The following RGN variants were observed in gnomAD, a reference collection of about 807,000 sequenced individuals.
RGN encodes the protein epididymis secretory protein Li 41.
RGN carries 19 observed loss-of-function variants against 20.6 expected under a neutral mutation model. That is an observed-to-expected ratio of 0.92 (90% confidence interval 0.64 to 1.35). The LOEUF (loss-of-function observed/expected upper bound fraction) is 1.35, where lower values mean the gene tolerates loss of function less well. RGN is among the 40% of genes most tolerant of loss of function. The pLI is 0.00. For synonymous variants in RGN, 85 were observed against 87.2 expected (o/e 0.97, Z 0.14); for missense variants, 302 against 232.7 (o/e 1.30, Z -1.94).
intron 5 of RGN, among the ~76,000 whole-genome samples, chrX:47,090,546 G>A (rs998971748): frequency 2.7e-5 from 3 of 110,231 alleles, no homozygotes; most frequent in African/African-American, 9.9e-5. Flanking sequence ...AGGAGCCATA[G>A]TTGGAAACTG....
rs782388059 is a variant in RGN, at chrX:47,089,803, C to G, written c.374C>G (p.Ala125Gly). Residue 125 changes from alanine (A) to glycine (G), a missense_variant, in exon 5 of 8, where the codon GCA becomes GGA. Coordinates refer to ENST00000397180, the MANE Select transcript of RGN (RefSeq NM_152869.4). ...AGTMAEETAPAVLERHQGALY... is the reference protein window; with the variant it reads ...AGTMAEETAPGVLERHQGALY... The stretch of plus-strand genomic sequence containing the variant: ...ACCATGGCTGAGGAAACAGCTCCAG[C>G]AGTTCTTGAGCGGCACCAGGGGGCC... 7 of 1,206,235 alleles carry G rather than the reference C, an allele frequency of 5.8e-6. No individual in the cohort carries two copies. The highest frequency in any genetic ancestry group is 4.5e-6 in the Non-Finnish European group (4 of 893,378).
intron 4 of RGN, among the ~76,000 whole-genome samples, chrX:47,086,785 A>AGAAAGAGAG (rs1930619930): frequency 2.0e-5 from 1 of 50,180 alleles, no homozygotes; most frequent in Non-Finnish European, 4.1e-5. Flanking sequence ...GAGAGAGAGA[A>AGAAAGAGAG]AGAGAGAGAG....
At chrX:47,087,626 C>G (rs1360835166) in intron 4 of RGN, 8 of 108,928 alleles carry the variant, frequency 7.3e-5, no homozygotes, top group African/African-American at 2.3e-4. Context: ...ACAAAGTTTA[C>G]AGTTCTGAGG....
intron 4 of RGN, among the ~76,000 whole-genome samples, chrX:47,086,941 C>A (rs1930628477): frequency 9.1e-6 from 1 of 110,489 alleles, no homozygotes; most frequent in Non-Finnish European, 1.9e-5. Flanking sequence ...AGGTGGGAAT[C>A]ATTAGGGGCT....
chrX:47,088,576 G>A (rs1353093890), intron 4 of RGN, among the ~76,000 whole-genome samples: 1 of 110,347 alleles, frequency 9.1e-6, no homozygotes, highest in Non-Finnish European at 1.9e-5. Context: ...GTTTCTTTGT[G>A]TTGCCAAGTA....
intron 3 of RGN, among the ~76,000 whole-genome samples, chrX:47,082,302 A>ATTTT (rs1930364286): frequency 1.7e-5 from 1 of 60,483 alleles, no homozygotes; most frequent in African/African-American, 5.8e-5. Flanking sequence ...TGGGACCTCA[A>ATTTT]CTTTTTTTTT....
chrX:47,083,928 A>C (rs1444349223), intron 3 of RGN, among the ~76,000 whole-genome samples: 1 of 110,426 alleles, frequency 9.1e-6, no homozygotes, highest in East Asian at 2.8e-4. Context: ...AAACAAACAA[A>C]AAAAAAAATG....
chrX:47,088,370 C>T (rs1930699814), intron 4 of RGN, among the ~76,000 whole-genome samples: 1 of 109,781 alleles, frequency 9.1e-6, no homozygotes, highest in Admixed American at 1.0e-4. Context: ...AGATAATGTG[C>T]AGGGAGAGTC....
chrX:47,091,845 G>C (rs1556388027), intron 6 of RGN, 36 bp downstream of exon 6: 1 of 1,190,087 alleles, frequency 8.4e-7, no homozygotes, highest in East Asian at 3.0e-5. Flanking sequence ...CCTTGTCATG[G>C]CTAGGCAGAG....
intron 6 of RGN, 25 bp from the exon 7 acceptor site, chrX:47,092,031 AAACTT>A: frequency 8.4e-7 from 1 of 1,186,518 alleles, no homozygotes; most frequent in South Asian, 1.8e-5. Flanking sequence ...TGCTACAACT[AAACTT>A]AAAATAAAAT....
At chrX:47,091,864 C>T (rs1931029613) in intron 6 of RGN, 55 bp downstream of exon 6, 6 of 1,152,382 alleles carry the variant, frequency 5.2e-6, no homozygotes, top group Non-Finnish European at 7.0e-6. Flanking sequence ...AGATATAGCC[C>T]GAAAGTTACA....
rs781890815 is a variant in RGN at position 47,084,547 on chromosome X, A to G, written c.293A>G (p.Lys98Arg). 2 of 1,200,854 alleles carry G rather than the reference A, an allele frequency of 1.7e-6. No homozygotes were observed. Among genetic ancestry groups the G allele is most frequent in the African/African-American group, 3.5e-5 (2 of 57,325 alleles). ...TTGGCCACGGTGGATAACGACAAGA[A>G]AAACAATCGCTTCAATGATGGGAAG... is the stretch of plus-strand genomic sequence containing the variant. Reference protein sequence around the residue: ...VVLATVDNDKKNNRFNDGKVD... With the variant: ...VVLATVDNDKRNNRFNDGKVD... Residue 98 changes from lysine (K) to arginine (R), a missense_variant, in exon 4 of 8, where the codon AAA (lysine) becomes AGA (arginine). Transcript: ENST00000397180.
At position 47,089,898 on chromosome X, in the gene RGN, G is replaced by T. The variant is rs782186854; in HGVS notation, c.469G>T (p.Asp157Tyr). ...FDQVDISNGL[D>Y]WSLDHKIFYY... ...CCAGGTGGACATTTCCAATGGTTTG[G>T]ATTGGTCGCTAGACCACAAAATCTT... is the stretch of plus-strand genomic sequence containing the variant. Residue 157 changes from aspartate to tyrosine, a missense_variant, in exon 5 of 8, where the codon GAT becomes TAT. Coordinates refer to ENST00000397180, the MANE Select transcript of RGN (RefSeq NM_152869.4). 8 of 1,209,063 alleles carry T rather than the reference G, an allele frequency of 6.6e-6. No homozygotes were observed. Among genetic ancestry groups the T allele is most frequent in the Non-Finnish European group, 7.8e-6 (7 of 894,110 alleles).
At chrX:47,082,002 C>G (rs1320147598) in intron 3 of RGN, among the ~76,000 whole-genome samples, 2 of 112,174 alleles carry the variant, frequency 1.8e-5, no homozygotes, top group African/African-American at 6.5e-5. Flanking sequence ...AAACAGGTGC[C>G]TCTCTTCCTT....
chrX:47,085,859 T>C (rs1556384079), intron 4 of RGN, among the ~76,000 whole-genome samples: 1 of 111,757 alleles, frequency 8.9e-6, no homozygotes, highest in African/African-American at 3.3e-5. Flanking sequence ...AGTGTGAATT[T>C]CCCAAGAAAG....
intron 7 of RGN, among the ~76,000 whole-genome samples, 189 bp downstream of exon 7, chrX:47,092,404 T>G (rs1241268498): frequency 3.6e-5 from 4 of 112,259 alleles, no homozygotes; most frequent in Non-Finnish European, 7.5e-5. Context: ...AAGTCCAAGA[T>G]GATCTGTTTA....
chrX:47,089,594 TATATAC>T (rs1486426524), intron 4 of RGN, among the ~76,000 whole-genome samples, 176 bp from the exon 5 acceptor site: 1 of 41,344 alleles, frequency 2.4e-5, no homozygotes, highest in African/African-American at 1.6e-4. Flanking sequence ...TATATATATA[TATATAC>T]ACACACACAC....
At chrX:47,085,806 G>T (rs1556384070) in intron 4 of RGN, among the ~76,000 whole-genome samples, 1 of 111,576 alleles carries the variant, frequency 9.0e-6, no homozygotes, top group East Asian at 2.8e-4. Context: ...TGTGAGAGTA[G>T]GTTGCATGTA....
intron 3 of RGN, among the ~76,000 whole-genome samples, chrX:47,081,915 A>G (rs1158642911): frequency 2.7e-5 from 3 of 112,054 alleles, no homozygotes; most frequent in Non-Finnish European, 3.8e-5. Context: ...TCAGATAACC[A>G]TGGAAAGTTA....
Sources: allele counts gnomAD v4.1 joint callset (sites outside exome capture counted in the v4.1 genomes callset), GRCh38; gene constraint gnomAD v4.1.1; transcripts MANE v1.5; gene names NCBI Gene and HGNC (gene_info 2026-07-23, HGNC 2026-07-21).